The following SGCD variants were observed in gnomAD, a reference collection of about 807,000 sequenced individuals.
SGCD encodes the protein delta-sarcoglycan.
SGCD carries 18 observed loss-of-function variants against 36.6 expected under a neutral mutation model. That is an observed-to-expected ratio of 0.49 (90% CI 0.34 to 0.73). SGCD has a LOEUF of 0.73. SGCD is among the 30% of genes least tolerant of loss of function. The pLI, the probability that SGCD is intolerant of heterozygous loss-of-function variation, is 0.01. For synonymous variants in SGCD, 133 were observed against 130.6 expected, an observed-to-expected ratio of 1.02 and a Z score of -0.12; for missense variants, 387 against 346.7, an observed-to-expected ratio of 1.12 and a Z score of -0.92.
intron 1 of SGCD, among the ~76,000 whole-genome samples, chr5:156,081,194 A>T (rs938713489): frequency 6.6e-6 from 1 of 152,084 alleles, no homozygotes; most frequent in Admixed American, 6.6e-5. Flanking sequence ...GAGAGTAGTG[A>T]GGAGATGCCA....
chr5:155,984,769 C>G (rs907917441), intron 1 of SGCD, among the ~76,000 whole-genome samples: 1 of 152,150 alleles, frequency 6.6e-6, no homozygotes, highest in Non-Finnish European at 1.5e-5. Flanking sequence ...TGGAAACACC[C>G]CTCCACCAGA....
intron 7 of SGCD, among the ~76,000 whole-genome samples, chr5:156,678,514 C>T (rs560059888): frequency 9.7e-4 from 147 of 152,182 alleles, no homozygotes; most frequent in Non-Finnish European, 1.7e-3. Flanking sequence ...CTGCAGGGTG[C>T]TCACATCATC....
intron 1 of SGCD, among the ~76,000 whole-genome samples, chr5:156,045,142 C>G (rs1190648320): frequency 2.0e-5 from 3 of 152,154 alleles, no homozygotes; most frequent in African/African-American, 7.2e-5. Flanking sequence ...CCTACTTTCT[C>G]AACACAGACA....
rs140163751 is a variant in SGCD at position 155,907,722 on chromosome 5, G to A, written c.-282+37298G>A. ...TCCTTCTTATGGATAAGCAAGGAAA[G>A]TGGTTCCTTGAAATGGAGCCTACTC... On this transcript the variant is annotated intron_variant, in intron 1 of 9. Transcript: ENST00000517913. Among the ~76,000 whole-genome samples, 681 of 152,286 alleles carry A rather than the reference G, an allele frequency of 4.5e-3. 5 individuals are homozygous for A. The highest frequency in any genetic ancestry group is 0.016 in the African/African-American group (657 of 41,576).
chr5:156,569,888 T>A (rs1759648015), intron 4 of SGCD, among the ~76,000 whole-genome samples: 3 of 152,092 alleles, frequency 2.0e-5, no homozygotes, highest in Admixed American at 1.3e-4. Flanking sequence ...AGAAACCCAG[T>A]AAGAAAGAAA....
At chr5:156,092,252 C>G (rs1761262964) in intron 1 of SGCD, among the ~76,000 whole-genome samples, 1 of 152,184 alleles carries the variant, frequency 6.6e-6, no homozygotes, top group East Asian at 1.9e-4. Context: ...GCTTTGATGG[C>G]CAACTTTCTG....
chr5:155,891,558 C>CTTTTTTTTTTTTTGTTTTTTTT (rs1756130382), intron 1 of SGCD, among the ~76,000 whole-genome samples: 1 of 60,778 alleles, frequency 1.6e-5, no homozygotes, highest in African/African-American at 6.9e-5. Context: ...AATAAATACT[C>CTTTTTTTTTTTTTGTTTTTTTT]TTTTTTTTTT....
At chr5:156,154,852 G>T (rs192648150) in intron 3 of SGCD, among the ~76,000 whole-genome samples, 29 of 151,564 alleles carry the variant, frequency 1.9e-4, no homozygotes, top group Admixed American at 1.8e-3. Context: ...ATTTCAAGAG[G>T]GCTGAAAATC....
chr5:156,604,087 T>G (rs2113424428), intron 6 of SGCD, among the ~76,000 whole-genome samples: 1 of 152,144 alleles, frequency 6.6e-6, no homozygotes, highest in South Asian at 2.1e-4. Flanking sequence ...GGAATTGGGT[T>G]TCTTTATTTA....
At chr5:156,197,057 A>G (rs1464527167) in intron 3 of SGCD, among the ~76,000 whole-genome samples, 1 of 152,202 alleles carries the variant, frequency 6.6e-6, no homozygotes. Flanking sequence ...TATTTAAACA[A>G]TCTCCTATTG....
intron 6 of SGCD, among the ~76,000 whole-genome samples, chr5:156,641,222 A>C (rs181983296): frequency 6.6e-6 from 1 of 152,214 alleles, no homozygotes; most frequent in Non-Finnish European, 1.5e-5. Flanking sequence ...TTCTACAACT[A>C]ACATATGTGC....
chr5:156,250,256 C>T (rs1409459516), intron 3 of SGCD, among the ~76,000 whole-genome samples: 5 of 152,222 alleles, frequency 3.3e-5, no homozygotes, highest in Middle Eastern at 3.4e-3. Flanking sequence ...CCAAAGATAG[C>T]GAGGTACCTT....
At chr5:156,535,874 A>G (rs1758084806) in intron 4 of SGCD, among the ~76,000 whole-genome samples, 2 of 152,202 alleles carry the variant, frequency 1.3e-5, no homozygotes, top group Non-Finnish European at 2.9e-5. Context: ...ATTAAAGCAT[A>G]AGAAATGAGG....
At chr5:155,799,014 A>T in the SGCD span, among the ~76,000 whole-genome samples, 11 of 152,182 alleles carry the variant, frequency 7.2e-5, no homozygotes, top group Non-Finnish European at 1.5e-4. Context: ...TCCTGTTATA[A>T]TTAAATCATT....
chr5:156,029,804 C>T, intron 1 of SGCD, among the ~76,000 whole-genome samples: 1 of 152,014 alleles, frequency 6.6e-6, no homozygotes, highest in Non-Finnish European at 1.5e-5. Context: ...TTTTTAATTT[C>T]ACTTTACCTA....
intron 3 of SGCD, among the ~76,000 whole-genome samples, chr5:156,146,774 C>A (rs1229134642): frequency 1.3e-5 from 2 of 152,072 alleles, no homozygotes; most frequent in African/African-American, 2.4e-5. Flanking sequence ...AAGTACAGAG[C>A]CAGCTAATTT....
At chr5:156,589,712 T>C (rs186761757) in intron 5 of SGCD, among the ~76,000 whole-genome samples, 35 of 152,272 alleles carry the variant, frequency 2.3e-4, no homozygotes, top group African/African-American at 7.7e-4. Context: ...CCAGGGACCA[T>C]ACTTTATGGG....
chr5:156,074,686 A>G (rs1039499402), intron 1 of SGCD, among the ~76,000 whole-genome samples: 3 of 152,122 alleles, frequency 2.0e-5, no homozygotes, highest in Non-Finnish European at 4.4e-5. Flanking sequence ...TCTCAAAAAA[A>G]GAAAAAAGAA....
intron 1 of SGCD, among the ~76,000 whole-genome samples, chr5:155,885,806 A>G (rs1755985306): frequency 6.6e-6 from 1 of 152,234 alleles, no homozygotes; most frequent in Admixed American, 6.5e-5. Flanking sequence ...TCCAAACATG[A>G]ATACACAGAA....
Sources: allele counts gnomAD v4.1 joint callset (sites outside exome capture counted in the v4.1 genomes callset), GRCh38; gene constraint gnomAD v4.1.1; transcripts MANE v1.5; gene names NCBI Gene and HGNC (gene_info 2026-07-23, HGNC 2026-07-21).